Variants in FBXO27 observed in about 807,000 individuals in gnomAD.
FBXO27 encodes F-box protein 27, also known as F-box only protein 27.
FBXO27 carries 28 observed loss-of-function variants against 28.3 expected under a neutral mutation model. The ratio of observed to expected loss-of-function variants is 0.99; its 90% CI spans 0.73 to 1.36. The LOEUF (loss-of-function observed/expected upper bound fraction) is 1.36. FBXO27 is among the 40% of genes most tolerant of loss of function. The probability of loss-of-function intolerance (pLI) is 0.00; values close to 1 mark genes in which losing one functional copy is unlikely to be tolerated. For missense variants in FBXO27, 388 were observed against 394.1 expected (o/e 0.98, Z 0.13); for synonymous variants, 175 against 167.3 (o/e 1.05, Z -0.36).
downstream of FBXO27, among the ~76,000 whole-genome samples, chr19:39,023,667 G>A (rs139400376): frequency 0.012 from 1,792 of 151,602 alleles, 38 homozygotes; most frequent in African/African-American, 0.041. Context: ...AGGATGGAGC[G>A]CAGTGATGCG....
At position 39,025,080 on chromosome 19, in the gene FBXO27, G is replaced by T; in HGVS notation, c.*331C>A. ...GTACAGAGGGGCCTGGGGCTGGATC[G>T]GAGGGTTTTGGTTGGGAGGAGAAGA... On this transcript the variant is annotated 3_prime_UTR_variant, in exon 6 of 6. Coordinates refer to ENST00000292853, the MANE Select transcript of FBXO27 (RefSeq NM_178820.5). The T allele has an allele frequency of 3.8e-6, 1 of 260,686 alleles. No individual in the cohort carries two copies. Among genetic ancestry groups the T allele is most frequent in the South Asian group, 7.8e-5 (1 of 12,858 alleles). 16.1% of individuals were successfully genotyped at this position (260,686 alleles called of 1,614,324 possible).
chr19:39,032,147 G>T lies in FBXO27; in HGVS notation c.81C>A (p.Ser27Arg). Residue 27 changes from serine to arginine, a missense_variant, in exon 2 of 6, where the codon AGC becomes AGA. Transcript: ENST00000292853. This position sits in a 1 kb window ranked among gnomAD's most constrained non-coding sequence, Gnocchi z 4.7. ...CCAGAAGCAGCTCTGGGGGTAGTTG[G>T]CTCAGGTCCAGCGCCTCTTCGGGTT... ...EPEPEEALDL[S>R]QLPPELLLVV... The T allele has an allele frequency of 3.9e-6, 6 of 1,543,716 alleles. No individual in the cohort carries two copies. Among genetic ancestry groups the T allele is most frequent in the Non-Finnish European group, 5.2e-6 (6 of 1,150,978 alleles).
At chr19:39,012,319 C>T (rs147568766) in intron 2 of FBXO27, among the ~76,000 whole-genome samples, 106 of 151,616 alleles carry the variant, frequency 7.0e-4, no homozygotes, top group African/African-American at 2.4e-3. Flanking sequence ...CGAGTAGCTG[C>T]GATTACAGGC....
At chr19:39,025,637 A>C (rs2072869130) in intron 5 of FBXO27, 83 bp from the exon 6 acceptor site, 1 of 1,487,776 alleles carries the variant, frequency 6.7e-7, no homozygotes, top group Admixed American at 2.3e-5. Context: ...GAAGATGGTT[A>C]TTTTCCAAGG....
intron 4 of FBXO27, among the ~76,000 whole-genome samples, chr19:39,029,782 A>G (rs2072892444): frequency 6.6e-6 from 1 of 152,052 alleles, no homozygotes; most frequent in South Asian, 2.1e-4. Context: ...TCAGAATCTG[A>G]CTCTGAGCCT....
At chr19:39,015,283 C>T (rs866545991) in intron 1 of FBXO27, among the ~76,000 whole-genome samples, 1 of 120,436 alleles carries the variant, frequency 8.3e-6, no homozygotes, top group Admixed American at 1.1e-4. Flanking sequence ...CACACCACTA[C>T]ACTCCAGCCT....
intron 2 of FBXO27, among the ~76,000 whole-genome samples, chr19:39,006,850 G>A (rs114808300): frequency 0.02 from 3,068 of 151,398 alleles, 97 homozygotes; most frequent in African/African-American, 0.07. Context: ...AGGGTAAGGC[G>A]GGAAGATCAC....
At chr19:39,031,486 C>T in intron 2 of FBXO27, 166 bp from the exon 3 acceptor site, 1 of 650,834 alleles carries the variant, frequency 1.5e-6, no homozygotes, top group East Asian at 2.7e-5. Context: ...AGGGCAAAGC[C>T]CCGCTCCTCT....
At chr19:39,029,121 C>A (rs2072888707) in intron 4 of FBXO27, among the ~76,000 whole-genome samples, 1 of 150,698 alleles carries the variant, frequency 6.6e-6, no homozygotes, top group African/African-American at 2.4e-5. Context: ...GGTTATGGTG[C>A]CTTGATTAAG....
At chr19:39,018,451 T>A (rs1305065852) in intron 1 of FBXO27, among the ~76,000 whole-genome samples, 1 of 152,152 alleles carries the variant, frequency 6.6e-6, no homozygotes, top group African/African-American at 2.4e-5. Context: ...TAAACAGTGA[T>A]ATCTTCCGGT....
intron 4 of FBXO27, among the ~76,000 whole-genome samples, chr19:39,029,209 T>A (rs2072889232): frequency 6.6e-6 from 1 of 151,660 alleles, no homozygotes; most frequent in African/African-American, 2.4e-5. Context: ...GCAGATCACC[T>A]GAGGTCAGCA....
Position 39,032,015 on chromosome 19 carries a change from C to T in FBXO27, c.213G>A (p.Leu71=). The change falls in exon 2 of 6, where the codon CTG becomes CTA. Residue 71 remains leucine (L), a synonymous_variant. Transcript: ENST00000292853. The surrounding 1 kb of genome is among the most constrained non-coding windows in gnomAD (Gnocchi z 4.7). ...GGCCGGTGGCGCCGTGGTCGCGGGC[C>T]AGGATCAGCAGCCACAGGGCCTGGC... ...VDGQALWLLI[L]ARDHGATGRA... 1.3e-6 allele frequency: 2 copies of T among 1,523,864 alleles called. No individual in the cohort carries two copies. Among genetic ancestry groups the T allele is most frequent in the Non-Finnish European group, 1.7e-6 (2 of 1,143,312 alleles). The allele number at this position is 1,523,864 out of a possible 1,614,324, so 94.4% of individuals were successfully genotyped here.
chr19:39,032,232 C>T lies in FBXO27; in HGVS notation c.-5G>A, dbSNP rs1293196070. The T allele has an allele frequency of 1.9e-5, 27 of 1,432,316 alleles. No homozygotes were observed. Among genetic ancestry groups the T allele is most frequent in the Non-Finnish European group, 2.5e-5 (27 of 1,101,604 alleles). 88.7% of individuals were successfully genotyped at this position (1,432,316 alleles called of 1,614,324 possible). ...CCTGGAGACCGAGGCGCCCATGGTC[C>T]CCCCGCCAGGCCCGGCTGTGGCTGC... On this transcript the variant is annotated 5_prime_UTR_variant, in exon 2 of 6. Coordinates refer to ENST00000292853, the MANE Select transcript of FBXO27 (RefSeq NM_178820.5). This position sits in a 1 kb window ranked among gnomAD's most constrained non-coding sequence, Gnocchi z 4.7.
chr19:39,032,090 C>A lies in FBXO27; in HGVS notation c.138G>T (p.Leu46=), dbSNP rs1437271680. 6.5e-7 allele frequency: 1 copy of A among 1,532,948 alleles called. No individual in the cohort carries two copies. The allele number at this position is 1,532,948 out of a possible 1,614,324, so 95.0% of individuals were successfully genotyped here. A position where few individuals can be genotyped will look rare whatever the true frequency, so the allele number is the denominator to read the frequency against. The change falls in exon 2 of 6, where the codon CTG becomes CTT. Residue 46 remains leucine (L), a synonymous_variant. Coordinates refer to ENST00000292853, the MANE Select transcript of FBXO27 (RefSeq NM_178820.5). This position sits in a 1 kb window ranked among gnomAD's most constrained non-coding sequence, Gnocchi z 4.7. Reference sequence around the variant, plus strand: ...GGCACACTTGGCGGCAGCGCCCGAGCAGCGTGCGCGGGGGGACGTGGCTCA... The same window carrying A: ...GGCACACTTGGCGGCAGCGCCCGAGAAGCGTGCGCGGGGGGACGTGGCTCA... ...VVLSHVPPRT[L]LGRCRQVCRG...
At chr19:39,028,218 G>C (rs939666919) in intron 4 of FBXO27, among the ~76,000 whole-genome samples, 3 of 151,662 alleles carry the variant, frequency 2.0e-5, no homozygotes, top group Non-Finnish European at 4.4e-5. Context: ...GCGATAGAGG[G>C]AGACCCTGTC....
intron 2 of FBXO27, among the ~76,000 whole-genome samples, chr19:39,007,558 G>A (rs10410965): frequency 0.82 from 124,967 of 152,034 alleles, 51,428 homozygotes; most frequent in Middle Eastern, 0.88. Flanking sequence ...GTTCTGAAAG[G>A]CAGAGGTCAT....
At chr19:39,008,039 G>A (rs551188048) in intron 2 of FBXO27, among the ~76,000 whole-genome samples, 111 of 152,180 alleles carry the variant, frequency 7.3e-4, no homozygotes, top group African/African-American at 2.5e-3. Flanking sequence ...TTAGGTGAGC[G>A]GTTGCCTGAG....
At chr19:39,021,089 T>G (rs2072843479), downstream of FBXO27, among the ~76,000 whole-genome samples, 1 of 152,100 alleles carries the variant, frequency 6.6e-6, no homozygotes, top group Non-Finnish European at 1.5e-5. Flanking sequence ...TGACCTCAGG[T>G]GATCCACCCC....
chr19:39,017,965 T>C (rs2072827355), intron 1 of FBXO27, among the ~76,000 whole-genome samples: 1 of 150,734 alleles, frequency 6.6e-6, no homozygotes, highest in Admixed American at 6.6e-5. Context: ...CCTCCACACA[T>C]CCTCCCATAT....
Sources: gnomAD v4.1 joint callset for allele counts (sites outside exome capture counted in the v4.1 genomes callset) on GRCh38, gnomAD v4.1.1 for gene constraint, Gnocchi (gnomAD v3.1) non-coding constraint, MANE v1.5 for transcripts, NCBI Gene and HGNC (gene_info 2026-07-23, HGNC 2026-07-21) for gene names.